Variants in H6PD observed in about 807,000 individuals in gnomAD.
H6PD encodes hexose-6-phosphate dehydrogenase/glucose 1-dehydrogenase, also known as GDH/6PGL endoplasmic bifunctional protein.
A neutral mutation model predicts 61.2 loss-of-function variants in H6PD; 48 were observed. That is an observed-to-expected ratio of 0.78 (90% CI 0.62 to 1.00). The LOEUF (loss-of-function observed/expected upper bound fraction) is 1.00, where lower values mean the gene tolerates loss of function less well. Among genes scored for constraint, H6PD ranks in the 50% least tolerant of loss-of-function variants. The pLI, the probability that H6PD is intolerant of heterozygous loss-of-function variation, is 0.00. For missense variants in H6PD, 1,093 were observed against 1,065.0 expected (o/e 1.03, Z -0.37); for synonymous variants, 480 against 457.9 (o/e 1.05, Z -0.62).
Position 9,245,540 on chromosome 1 carries a change from G to A in H6PD, c.606G>A (p.Val202=). The change falls in exon 2 of 5, where the codon GTG becomes GTA. Residue 202 remains valine (V), a synonymous_variant. Transcript: ENST00000377403. This position sits in a 1 kb window ranked among gnomAD's most constrained non-coding sequence, Gnocchi z 4.8. ...TFFQEEEMYR[V]DHYLGKQAVA... ...TCCAGGAGGAGGAGATGTACCGGGT[G>A]GACCATTACTTAGGCAAGCAGGTGA... 6.2e-7 allele frequency: 1 copy of A among 1,614,176 alleles called. No homozygotes were observed. Among genetic ancestry groups the A allele is most frequent in the South Asian group, 1.1e-5 (1 of 91,084 alleles).
At chr1:9,257,505 C>G (rs1322418595) in intron 3 of H6PD, among the ~76,000 whole-genome samples, 1 of 152,182 alleles carries the variant, frequency 6.6e-6, no homozygotes, top group Non-Finnish European at 1.5e-5. Context: ...CACATTACGT[C>G]TTGGAGGTTT....
At chr1:9,248,204 G>A (rs1454914199) in intron 3 of H6PD, among the ~76,000 whole-genome samples, 1 of 152,226 alleles carries the variant, frequency 6.6e-6, no homozygotes, top group Non-Finnish European at 1.5e-5. Flanking sequence ...GTGCGTGCCC[G>A]CCACAGGGCA....
intron 1 of H6PD, among the ~76,000 whole-genome samples, chr1:9,239,330 G>A (rs142870353): frequency 7.6e-4 from 115 of 152,276 alleles, no homozygotes; most frequent in African/African-American, 2.3e-3. Context: ...TACAGGACAG[G>A]TGCCTAAAGA....
chr1:9,241,832 G>A (rs993110968), intron 1 of H6PD, among the ~76,000 whole-genome samples: 2 of 152,168 alleles, frequency 1.3e-5, no homozygotes, highest in African/African-American at 4.8e-5. Context: ...AGGCTTTGTG[G>A]CTTGACAGTT....
At chr1:9,243,783 A>G (rs1164524129) in intron 1 of H6PD, among the ~76,000 whole-genome samples, 1 of 150,404 alleles carries the variant, frequency 6.6e-6, no homozygotes, top group African/African-American at 2.4e-5. Context: ...CCACTGGCCC[A>G]GACACTGTTG....
chr1:9,255,155 A>T (rs1641476926), intron 3 of H6PD, among the ~76,000 whole-genome samples: 2 of 152,368 alleles, frequency 1.3e-5, no homozygotes, highest in South Asian at 4.1e-4. Flanking sequence ...ATGAGCATTC[A>T]TGTACAAGCT....
intron 3 of H6PD, among the ~76,000 whole-genome samples, chr1:9,261,733 G>A (rs1239722716): frequency 6.6e-6 from 1 of 152,270 alleles, no homozygotes; most frequent in Non-Finnish European, 1.5e-5. Flanking sequence ...GGCCAGGCAG[G>A]GCGGGGCGAG....
intron 1 of H6PD, among the ~76,000 whole-genome samples, chr1:9,243,500 C>T (rs1641062250): frequency 6.6e-6 from 1 of 152,180 alleles, no homozygotes; most frequent in African/African-American, 2.4e-5. Flanking sequence ...GACTAGTTCC[C>T]ATGGGCATGC....
At chr1:9,237,606 C>T (rs1640888541) in intron 1 of H6PD, among the ~76,000 whole-genome samples, 1 of 152,174 alleles carries the variant, frequency 6.6e-6, no homozygotes, top group African/African-American at 2.4e-5. Context: ...TGTTACCTAC[C>T]TCATATGGTT....
At position 9,264,818 on chromosome 1, in the gene H6PD, G is replaced by C; in HGVS notation, c.2325G>C (p.Pro775=). ...AGTGGCCCATCTCGGGTGTCCTGCCGCACTCCGGCCAGCTGGTGTGGTACA... is the reference window on the plus strand; with the variant it reads ...AGTGGCCCATCTCGGGTGTCCTGCCCCACTCCGGCCAGCTGGTGTGGTACA... The part of the protein sequence containing the change: ...PKKWPISGVL[P]HSGQLVWYMD... Residue 775 remains proline, a synonymous_variant, in exon 5 of 5, where the codon CCG becomes CCC. Coordinates refer to ENST00000377403, the MANE Select transcript of H6PD (RefSeq NM_004285.4). 6.2e-7 allele frequency: 1 copy of C among 1,612,720 alleles called. No individual in the cohort carries two copies. The highest frequency in any genetic ancestry group is 8.5e-7 in the Non-Finnish European group (1 of 1,180,018).
At chr1:9,258,497 C>T (rs182056830) in intron 3 of H6PD, among the ~76,000 whole-genome samples, 8 of 151,638 alleles carry the variant, frequency 5.3e-5, no homozygotes, top group Admixed American at 1.3e-4. Flanking sequence ...ATTGTTATGC[C>T]GGTGTTGTGT....
chr1:9,237,318 C>T (rs956027897), intron 1 of H6PD, among the ~76,000 whole-genome samples: 2 of 135,994 alleles, frequency 1.5e-5, no homozygotes, highest in African/African-American at 2.8e-5. Flanking sequence ...CTGCAACGTT[C>T]GCCTCCTAGG....
intron 4 of H6PD, among the ~76,000 whole-genome samples, chr1:9,263,089 C>T (rs1189375404): frequency 1.3e-5 from 2 of 152,120 alleles, no homozygotes; most frequent in Non-Finnish European, 2.9e-5. Context: ...GCGTCGGGTG[C>T]ATCCTGAATG....
rs1335518187 is a variant in H6PD, at chr1:9,264,115, G to C, written c.1622G>C (p.Ser541Thr). The change falls in exon 5 of 5, where the codon AGT becomes ACT. Residue 541 changes from serine to threonine, a missense_variant. Transcript: ENST00000377403. Reference protein sequence around the residue: ...VPGPGPAPMPSDFQVLRAKYR... With the variant: ...VPGPGPAPMPTDFQVLRAKYR... ...GGGCCAGGGCCGGCCCCAATGCCCA[G>C]TGACTTCCAGGTCCTCAGGGCCAAG... 3.7e-6 allele frequency: 6 copies of C among 1,613,902 alleles called. No individual in the cohort carries two copies. The highest frequency in any genetic ancestry group is 1.7e-4 in the Middle Eastern group (1 of 6,060).
In H6PD at chr1:9,245,767, C is replaced by T. The variant is rs1641155092; in HGVS notation, c.627+206C>T. The stretch of plus-strand genomic sequence containing the variant: ...GACTGTTGGGTCCTTGTCCATGTGT[C>T]TGGCCTCTTTTGTCCTTTGCAAAGC... On this transcript the variant is annotated intron_variant, in intron 2 of 4. Transcript: ENST00000377403. This position sits in a 1 kb window ranked among gnomAD's most constrained non-coding sequence, Gnocchi z 4.8. Among the ~76,000 whole-genome samples, 1 of 152,182 alleles carries T rather than the reference C, an allele frequency of 6.6e-6. No individual in the cohort carries two copies. The highest frequency in any genetic ancestry group is 2.4e-5 in the African/African-American group (1 of 41,440).
In H6PD at chr1:9,263,818, C is replaced by T. The variant is rs200294863; in HGVS notation, c.1325C>T (p.Pro442Leu). The T allele has an allele frequency of 7.4e-6, 12 of 1,613,984 alleles. No homozygotes were observed. Among genetic ancestry groups the T allele is most frequent in the Non-Finnish European group, 1.0e-5 (12 of 1,180,028 alleles). Residue 442 changes from proline (P) to leucine (L), a missense_variant, in exon 5 of 5, where the codon CCT becomes CTT. By Grantham distance (98) the Pro-to-Leu change is moderately conservative (BLOSUM62 -3). Transcript: ENST00000377403. Reference protein sequence around the residue: ...GPPGLRLFGSPLSDYYAYSPV... With the variant: ...GPPGLRLFGSLLSDYYAYSPV... ...CCTGGGCTCCGCCTTTTCGGCAGCC[C>T]TCTGTCCGATTACTACGCCTACAGC...
At chr1:9,249,949 C>T (rs1641307511) in intron 3 of H6PD, among the ~76,000 whole-genome samples, 1 of 152,184 alleles carries the variant, frequency 6.6e-6, no homozygotes, top group Non-Finnish European at 1.5e-5. Flanking sequence ...TGTGTGCCTG[C>T]GTGCCAGGGG....
chr1:9,246,486 C>T lies in H6PD; in HGVS notation c.628-480C>T, dbSNP rs147520614. ...CAGCCCTGTGTTCTGGTACGTGGTG[C>T]GGGTGGGCATAGGCAGTTGTTGAGG... is the stretch of plus-strand genomic sequence containing the variant. On this transcript the variant is annotated intron_variant, in intron 2 of 4. Transcript: ENST00000377403. Among the ~76,000 whole-genome samples the T allele has an allele frequency of 9.3e-3, 1,410 of 152,254 alleles. 15 individuals carry two copies. The highest frequency in any genetic ancestry group is 0.027 in the African/African-American group (1,104 of 41,560).
intron 1 of H6PD, among the ~76,000 whole-genome samples, chr1:9,235,269 G>T (rs1163402395): frequency 6.6e-6 from 1 of 152,058 alleles, no homozygotes; most frequent in African/African-American, 2.4e-5. Flanking sequence ...CTTTCCCTGG[G>T]CTTCCCGGAA....
Sources: allele counts gnomAD v4.1 joint callset (sites outside exome capture counted in the v4.1 genomes callset), GRCh38; gene constraint gnomAD v4.1.1; non-coding constraint Gnocchi (gnomAD v3.1); transcripts MANE v1.5; gene names NCBI Gene and HGNC (gene_info 2026-07-23, HGNC 2026-07-21).